Variants in GPHN observed in about 807,000 individuals in gnomAD.
GPHN encodes gephyrin.
In GPHN, 17 loss-of-function variants were observed where a neutral mutation model predicts 95.5. The ratio of observed to expected loss-of-function variants is 0.18; its 90% confidence interval spans 0.12 to 0.27. GPHN has a LOEUF of 0.27. GPHN is among the 10% of genes least tolerant of loss of function. The pLI is 1.00. For missense variants in GPHN, 660 were observed against 978.1 expected (o/e 0.67, Z 4.34); for synonymous variants, 320 against 322.5 (o/e 0.99, Z 0.08).
At chr14:67,660,313 A>T in the GPHN span, 1 of 157,336 alleles carries the variant, frequency 6.4e-6, no homozygotes, top group Non-Finnish European at 1.4e-5. Flanking sequence ...GGCCAGGCAC[A>T]GTGGCTCAAA....
intron 17 of GPHN, among the ~76,000 whole-genome samples, chr14:67,127,549 ATTATACT>A (rs2079405868): frequency 6.6e-6 from 1 of 152,138 alleles, no homozygotes. Context: ...GAAAATGTTG[ATTATACT>A]TTAACAAATC....
At chr14:67,354,850 G>A in the GPHN span, among the ~76,000 whole-genome samples, 1 of 152,150 alleles carries the variant, frequency 6.6e-6, no homozygotes, top group South Asian at 2.1e-4. Flanking sequence ...TTTCACTCTT[G>A]TTGCCCAGGC....
At chr14:67,303,624 A>G in the GPHN span, 3 of 1,557,510 alleles carry the variant, frequency 1.9e-6, no homozygotes, top group Non-Finnish European at 2.7e-6. Flanking sequence ...AATGTTCATT[A>G]TTTATGTGTT....
chr14:67,005,305 A>C (rs1454162716), intron 9 of GPHN, among the ~76,000 whole-genome samples: 3 of 151,880 alleles, frequency 2.0e-5, no homozygotes, highest in African/African-American at 7.2e-5. Flanking sequence ...GTATATATTT[A>C]AGATTTTTTA....
chr14:67,225,274 TTAATTA>T, the GPHN span: 1 of 1,485,564 alleles, frequency 6.7e-7, no homozygotes, highest in Non-Finnish European at 8.9e-7. Context: ...AGGTAACTTT[TTAATTA>T]TAAGTCTCTA....
intron 2 of GPHN, among the ~76,000 whole-genome samples, chr14:66,765,977 A>G (rs1191680368): frequency 6.6e-6 from 1 of 152,198 alleles, no homozygotes; most frequent in Non-Finnish European, 1.5e-5. Flanking sequence ...ACTAGCTAGA[A>G]TACATAAAAC....
the GPHN span, chr14:67,390,614 T>G: frequency 7.9e-7 from 1 of 1,269,816 alleles, no homozygotes; most frequent in Admixed American, 1.7e-5. Context: ...GAGGAGTGTC[T>G]GGGGGCATCA....
intron 16 of GPHN, 60 bp from the exon 17 acceptor site, chr14:67,122,196 A>G (rs1470224068): frequency 6.4e-7 from 1 of 1,573,632 alleles, no homozygotes; most frequent in South Asian, 1.1e-5. Context: ...TTTTTTTTTC[A>G]TTAGAAATAT....
chr14:67,144,244 A>ATAT (rs1222844885), intron 18 of GPHN, among the ~76,000 whole-genome samples: 3 of 67,636 alleles, frequency 4.4e-5, no homozygotes, highest in Admixed American at 2.2e-4. Flanking sequence ...CTTAAAAAAA[A>ATAT]AAAAAAATAT....
the GPHN span, among the ~76,000 whole-genome samples, chr14:67,219,309 C>A: frequency 6.6e-6 from 1 of 152,198 alleles, no homozygotes; most frequent in Admixed American, 6.5e-5. Flanking sequence ...TCTCCTGACT[C>A]TGGGCAGATC....
the GPHN span, among the ~76,000 whole-genome samples, chr14:67,202,032 T>A: frequency 6.6e-6 from 1 of 152,106 alleles, no homozygotes; most frequent in Admixed American, 6.5e-5. Flanking sequence ...CAGCTAGAGG[T>A]CTCTTCCTCA....
the GPHN span, among the ~76,000 whole-genome samples, chr14:67,572,661 TC>T: frequency 6.6e-6 from 1 of 152,206 alleles, no homozygotes; most frequent in South Asian, 2.1e-4. Flanking sequence ...GTCTCATTTG[TC>T]CTCACAATCC....
the GPHN span, among the ~76,000 whole-genome samples, chr14:67,288,611 T>C: frequency 1.3e-5 from 2 of 152,364 alleles, no homozygotes; most frequent in East Asian, 3.9e-4. Flanking sequence ...GTTGCTTTTA[T>C]AATTTCTTTT....
chr14:67,311,102 A>C, the GPHN span, among the ~76,000 whole-genome samples: 1 of 152,154 alleles, frequency 6.6e-6, no homozygotes, highest in East Asian at 1.9e-4. Flanking sequence ...ACCTGAGGTC[A>C]GGAGTTCAAG....
the GPHN span, among the ~76,000 whole-genome samples, chr14:67,475,252 T>C: frequency 2.6e-5 from 4 of 152,270 alleles, no homozygotes; most frequent in African/African-American, 9.6e-5. Context: ...TCATATTCCA[T>C]TGTATATATC....
At chr14:66,795,849 T>G (rs2060136956) in intron 3 of GPHN, among the ~76,000 whole-genome samples, 1 of 152,150 alleles carries the variant, frequency 6.6e-6, no homozygotes, top group Non-Finnish European at 1.5e-5. Flanking sequence ...CCAATTATAC[T>G]CTTTTAGTTA....
At chr14:67,600,015 T>C in the GPHN span, 327 of 1,551,292 alleles carry the variant, frequency 2.1e-4, no homozygotes, top group Non-Finnish European at 2.7e-4. Flanking sequence ...GGGGCCGACT[T>C]GCCATTACCT....
chr14:67,254,034 C>A, the GPHN span, among the ~76,000 whole-genome samples: 4 of 143,390 alleles, frequency 2.8e-5, no homozygotes, highest in South Asian at 4.7e-4. Context: ...ATCCCCCCCC[C>A]CTTACAAGTT....
the GPHN span, among the ~76,000 whole-genome samples, chr14:67,263,335 A>G: frequency 3.3e-4 from 50 of 152,298 alleles, no homozygotes; most frequent in African/African-American, 1.2e-3. Flanking sequence ...ATGGTGAAGT[A>G]TGCAGTCCCC....
Sources: gnomAD v4.1 joint callset for allele counts (sites outside exome capture counted in the v4.1 genomes callset) on GRCh38, gnomAD v4.1.1 for gene constraint, MANE v1.5 for transcripts, NCBI Gene and HGNC (gene_info 2026-07-23, HGNC 2026-07-21) for gene names.